The following CLDN10 variants were observed in gnomAD, a reference collection of about 807,000 sequenced individuals.
CLDN10 encodes the protein claudin 10, also known as claudin-10.
A neutral mutation model predicts 22.9 loss-of-function variants in CLDN10; 15 were observed. The observed-to-expected ratio is 0.65, with a 90% confidence interval of 0.44 to 1.01. The LOEUF is 1.01. CLDN10 is among the 50% of genes least tolerant of loss of function. The pLI is 0.00. For synonymous variants in CLDN10, 114 were observed against 111.4 expected (o/e 1.02, Z -0.15); for missense variants, 247 against 287.8 (o/e 0.86, Z 1.03).
chr13:95,486,352 G>A (rs4351928), intron 1 of CLDN10, among the ~76,000 whole-genome samples: 88,234 of 151,562 alleles, frequency 0.58, 26,746 homozygotes, highest in African/African-American at 0.76. Context: ...GCAAAACTCC[G>A]TCTCTACTAA....
At chr13:95,436,565 G>A (rs2042274028) in intron 1 of CLDN10, among the ~76,000 whole-genome samples, 1 of 152,106 alleles carries the variant, frequency 6.6e-6, no homozygotes, top group Non-Finnish European at 1.5e-5. Flanking sequence ...GCACATAGGA[G>A]GTAATTTGAA....
intron 1 of CLDN10, among the ~76,000 whole-genome samples, chr13:95,495,736 T>C (rs1381311122): frequency 1.0e-5 from 1 of 98,018 alleles, no homozygotes; most frequent in Non-Finnish European, 2.0e-5. Context: ...AGAGCCAGAC[T>C]CCACCTCAAA....
rs189394885 is a variant in CLDN10 at position 95,464,276 on chromosome 13, C to T, written c.214+30229C>T. 9.2e-5 allele frequency among the ~76,000 whole-genome samples: 14 copies of T among 152,154 alleles called. No individual in the cohort carries two copies. The East Asian group carries it at 1.9e-3, about 21-fold the overall frequency. On this transcript the variant is annotated intron_variant, in intron 1 of 4. Transcript: ENST00000376873. ...CCTTCCCCCACCCCACAACAGGCCC[C>T]GGTGTGTGATGCTCCCCTTCCTTGT...
intron 1 of CLDN10, among the ~76,000 whole-genome samples, chr13:95,491,206 T>C (rs2042869085): frequency 6.6e-6 from 1 of 152,186 alleles, no homozygotes; most frequent in Non-Finnish European, 1.5e-5. Flanking sequence ...TTCTTATCCA[T>C]TCTGTGGTTC....
chr13:95,555,764 T>C (rs1373249282), intron 1 of CLDN10, among the ~76,000 whole-genome samples: 1 of 152,152 alleles, frequency 6.6e-6, no homozygotes, highest in Non-Finnish European at 1.5e-5. Context: ...GGGAGTTGAT[T>C]CCCCCACCTG....
chr13:95,556,556 A>C (rs551484632), intron 1 of CLDN10, among the ~76,000 whole-genome samples: 4 of 152,366 alleles, frequency 2.6e-5, no homozygotes, highest in African/African-American at 9.6e-5. Flanking sequence ...ACTGCTCAGC[A>C]GACATCCATA....
Position 95,523,529 on chromosome 13 carries a change from G to A in CLDN10, c.215-36603G>A, listed in dbSNP as rs967004859. On this transcript the variant is annotated intron_variant, in intron 1 of 4. Coordinates refer to the CLDN10 transcript ENST00000376873. ...TGAAAAGATCAGGTAAATATTTGCC[G>A]TTTATTTCCTTTGATGTAGATCTAC... Among the ~76,000 whole-genome samples the A allele has an allele frequency of 1.2e-4, 18 of 152,074 alleles. 1 individual carries two copies. The highest frequency in any genetic ancestry group is 6.6e-4 in the Admixed American group (10 of 15,266).
chr13:95,441,018 C>G (rs1319694926), intron 1 of CLDN10, among the ~76,000 whole-genome samples: 1 of 152,186 alleles, frequency 6.6e-6, no homozygotes, highest in Admixed American at 6.5e-5. Flanking sequence ...CTTTTAGGGG[C>G]CAGGACCTTA....
At chr13:95,496,626 C>G (rs1594564268) in intron 1 of CLDN10, among the ~76,000 whole-genome samples, 1 of 152,208 alleles carries the variant, frequency 6.6e-6, no homozygotes, top group South Asian at 2.1e-4. Context: ...TCCTGGCCTG[C>G]AGATGGCTGC....
chr13:95,540,644 G>C (rs1206716048), intron 1 of CLDN10, among the ~76,000 whole-genome samples: 1 of 152,218 alleles, frequency 6.6e-6, no homozygotes, highest in East Asian at 1.9e-4. Context: ...TTGCATGCTA[G>C]TTAGTGGCTC....
intron 1 of CLDN10, chr13:95,434,193 T>A: frequency 6.0e-6 from 4 of 671,454 alleles, no homozygotes; most frequent in Non-Finnish European, 1.1e-5. Context: ...AAGGATGGGG[T>A]GTATGAGTAT....
rs112212936 is a variant in CLDN10, at chr13:95,440,963, G to A, written c.214+6916G>A. Among the ~76,000 whole-genome samples, 174 of 152,328 alleles carry A rather than the reference G, an allele frequency of 1.1e-3. 1 individual carries two copies. The Middle Eastern group carries it at 0.024, about 21-fold the overall frequency. ...TGCTGCAGGCTGTTCTTTCATGGAA[G>A]CATCAGAAACTTTTTAAGACATCCT... On this transcript the variant is annotated intron_variant, in intron 1 of 4. Transcript: ENST00000376873.
chr13:95,560,424 T>C lies in CLDN10; in HGVS notation c.425T>C (p.Ile142Thr). Residue 142 changes from isoleucine (I) to threonine (T), a missense_variant, in exon 3 of 5, where the codon ATC becomes ACC. By Grantham distance (89) the Ile-to-Thr change is moderately conservative (BLOSUM62 -1). Transcript: ENST00000299339. ...MTGCSLYANK[I>T]TTEFFDPLFV... ...GGATGTTCCCTATATGCAAACAAAA[T>C]CACAACGGAATTCTTTGATCCTCTC... The C allele has an allele frequency of 7.4e-6, 12 of 1,614,096 alleles. No homozygotes were observed. The highest frequency in any genetic ancestry group is 1.0e-5 in the Non-Finnish European group (12 of 1,179,950).
rs541710888 is a variant in CLDN10 at position 95,459,525 on chromosome 13, C to A, written c.214+25478C>A. On this transcript the variant is annotated intron_variant, in intron 1 of 4. Transcript: ENST00000376873. ...ATGTGTAAACTGCCAAGGCTTGGGA[C>A]TTGCACCCTCTGAAACAATGGTCTG... is the stretch of plus-strand genomic sequence containing the variant. Among the ~76,000 whole-genome samples, 8 of 152,366 alleles carry A rather than the reference C, an allele frequency of 5.3e-5. No individual in the cohort carries two copies. In the South Asian group the frequency reaches 1.2e-3, roughly 24 times the overall value.
At chr13:95,548,481 CA>C (rs202086060), upstream of CLDN10, among the ~76,000 whole-genome samples, 8 of 151,358 alleles carry the variant, frequency 5.3e-5, no homozygotes, top group East Asian at 1.9e-4. Flanking sequence ...TTATAATTTG[CA>C]AAAAAAATTA....
intron 3 of CLDN10, among the ~76,000 whole-genome samples, chr13:95,572,674 TC>T (rs1195613443): frequency 6.6e-6 from 1 of 152,194 alleles, no homozygotes; most frequent in Non-Finnish European, 1.5e-5. Flanking sequence ...AAAAACATGC[TC>T]TTTTTATTGT....
At chr13:95,575,603 A>T (rs199543015) in intron 3 of CLDN10, among the ~76,000 whole-genome samples, 1 of 88,824 alleles carries the variant, frequency 1.1e-5, no homozygotes, top group African/African-American at 3.5e-5. Flanking sequence ...GTGTGTGTGT[A>T]GACTGAGGGT....
At chr13:95,558,974 A>C (rs2043672196) in intron 1 of CLDN10, among the ~76,000 whole-genome samples, 1 of 152,070 alleles carries the variant, frequency 6.6e-6, no homozygotes. Flanking sequence ...ACTAGTATGT[A>C]CTCCCTAAAT....
intron 1 of CLDN10, among the ~76,000 whole-genome samples, chr13:95,538,289 C>G (rs994130943): frequency 2.0e-5 from 3 of 151,318 alleles, no homozygotes; most frequent in Non-Finnish European, 4.4e-5. Flanking sequence ...AGGCGCCCAC[C>G]ACCACGCCTG....
Sources: allele counts gnomAD v4.1 joint callset (sites outside exome capture counted in the v4.1 genomes callset), GRCh38; gene constraint gnomAD v4.1.1; transcripts MANE v1.5; gene names NCBI Gene and HGNC (gene_info 2026-07-23, HGNC 2026-07-21).